Variants in SFMBT2 observed in about 807,000 individuals in gnomAD.
SFMBT2 encodes Scm like with four mbt domains 2.
A neutral mutation model predicts 110.1 loss-of-function variants in SFMBT2; 38 were observed. The ratio of observed to expected loss-of-function variants is 0.35; its 90% CI spans 0.27 to 0.45. SFMBT2 has a LOEUF of 0.45. Among genes scored for constraint, SFMBT2 ranks in the 20% least tolerant of loss-of-function variants. The probability of loss-of-function intolerance (pLI) is 1.00; values close to 1 mark genes in which losing one functional copy is unlikely to be tolerated. For missense variants in SFMBT2, 1,011 were observed against 1,094.9 expected (o/e 0.92, Z 1.08); for synonymous variants, 425 against 425.4 (o/e 1.00, Z 0.01).
intron 4 of SFMBT2, chr10:7,292,125 G>C (rs990603443): frequency 6.3e-6 from 1 of 159,932 alleles, no homozygotes; most frequent in African/African-American, 2.4e-5. Context: ...TGGGGTCTCT[G>C]GAGGAAAAAG....
At position 7,172,936 on chromosome 10, in the gene SFMBT2, CA is replaced by C. The variant is rs890836185; in HGVS notation, c.1985-276del. Among the ~76,000 whole-genome samples, 45 of 152,166 alleles carry C rather than the reference CA, an allele frequency of 3.0e-4. No individual in the cohort carries two copies. Among genetic ancestry groups the C allele is most frequent in the African/African-American group, 9.2e-4 (38 of 41,522 alleles). ...GTCCCGAACCCCCAAAGTGAGTGTACAAGGGTGGGGCCCTAATCCAATAGGA... is the reference window on the plus strand; with the variant it reads ...GTCCCGAACCCCCAAAGTGAGTGTACAGGGTGGGGCCCTAATCCAATAGGA... On this transcript the variant is annotated intron_variant, in intron 17 of 20. Transcript: ENST00000397167. The surrounding 1 kb of genome is among the most constrained non-coding windows in gnomAD (Gnocchi z 4.6).
chr10:7,411,440 C>T (rs113096509), upstream of SFMBT2: 75 of 152,368 alleles, frequency 4.9e-4, 1 homozygote, highest in African/African-American at 1.7e-3. Context: ...GGTTCGTGAG[C>T]TGGGTTTCCA....
At chr10:7,229,789 C>T (rs1339576724) in intron 9 of SFMBT2, among the ~76,000 whole-genome samples, 1 of 150,120 alleles carries the variant, frequency 6.7e-6, no homozygotes, top group Non-Finnish European at 1.5e-5. Context: ...GGCATGATCT[C>T]GGCTCACTGC....
chr10:7,271,439 T>C (rs571125446), intron 7 of SFMBT2, among the ~76,000 whole-genome samples: 15 of 152,280 alleles, frequency 9.9e-5, no homozygotes, highest in Non-Finnish European at 1.8e-4. Flanking sequence ...AGTCCTTGCC[T>C]TCCTGGAGCT....
At chr10:7,166,922 G>C (rs1249558262) in intron 20 of SFMBT2, among the ~76,000 whole-genome samples, 1 of 152,188 alleles carries the variant, frequency 6.6e-6, no homozygotes. Context: ...CTCACAGGTG[G>C]TTTGATTTTT....
At chr10:7,249,549 T>C (rs1840732715) in intron 7 of SFMBT2, 8 of 985,274 alleles carry the variant, frequency 8.1e-6, no homozygotes, top group Admixed American at 6.2e-5. Context: ...AATACATCAA[T>C]TGGGTGTGAA....
chr10:7,225,096 T>C (rs1839858890), intron 10 of SFMBT2, among the ~76,000 whole-genome samples: 1 of 152,220 alleles, frequency 6.6e-6, no homozygotes. Flanking sequence ...TATTATGTAT[T>C]GAGCTTCCTT....
At chr10:7,254,694 G>A (rs182544186) in intron 7 of SFMBT2, among the ~76,000 whole-genome samples, 37 of 152,200 alleles carry the variant, frequency 2.4e-4, no homozygotes, top group African/African-American at 8.4e-4. Flanking sequence ...TGGGCATGGT[G>A]GTGCACACCT....
intron 20 of SFMBT2, among the ~76,000 whole-genome samples, chr10:7,168,879 A>G (rs1482583954): frequency 6.6e-6 from 1 of 152,208 alleles, no homozygotes; most frequent in Non-Finnish European, 1.5e-5. Flanking sequence ...GTTGCTTTTC[A>G]GAGTTGTCCA....
intron 6 of SFMBT2, chr10:7,277,272 T>C (rs1841811719): frequency 6.4e-6 from 1 of 155,724 alleles, no homozygotes; most frequent in African/African-American, 2.4e-5. Context: ...AGTAATTTAA[T>C]GGTATTAATC....
chr10:7,190,978 A>G (rs1243232934), intron 15 of SFMBT2, among the ~76,000 whole-genome samples: 1 of 152,100 alleles, frequency 6.6e-6, no homozygotes, highest in African/African-American at 2.4e-5. Flanking sequence ...TTTTATAAGG[A>G]GTTCCCCTTT....
chr10:7,208,782 A>G (rs1170823852), intron 11 of SFMBT2, among the ~76,000 whole-genome samples: 1 of 152,222 alleles, frequency 6.6e-6, no homozygotes, highest in Non-Finnish European at 1.5e-5. Flanking sequence ...TTCAAACATC[A>G]CATCGTATTA....
At chr10:7,270,204 C>T (rs1054155369) in intron 7 of SFMBT2, among the ~76,000 whole-genome samples, 3 of 152,044 alleles carry the variant, frequency 2.0e-5, no homozygotes, top group African/African-American at 4.8e-5. Context: ...GGCAGGGAAC[C>T]GAGGGAGGTG....
intron 4 of SFMBT2, among the ~76,000 whole-genome samples, chr10:7,323,628 C>T (rs571501817): frequency 6.6e-6 from 1 of 152,092 alleles, no homozygotes; most frequent in South Asian, 2.1e-4. Flanking sequence ...TTTGATAAAG[C>T]CCCACAGGTG....
intron 7 of SFMBT2, among the ~76,000 whole-genome samples, chr10:7,261,243 C>T (rs1006877402): frequency 2.0e-5 from 3 of 152,230 alleles, no homozygotes; most frequent in Non-Finnish European, 4.4e-5. Context: ...TTTTGAGTTC[C>T]TATGATTCAT....
At chr10:7,411,065 C>CTTTTTTTTTTT (rs766788794), upstream of SFMBT2, among the ~76,000 whole-genome samples, 6 of 53,914 alleles carry the variant, frequency 1.1e-4, 1 homozygote, top group African/African-American at 4.5e-4. Flanking sequence ...GCTCGGCGCT[C>CTTTTTTTTTTT]TTTTTTTTTT....
intron 1 of SFMBT2, among the ~76,000 whole-genome samples, chr10:7,396,280 T>C (rs1337513334): frequency 2.6e-5 from 4 of 152,236 alleles, no homozygotes; most frequent in African/African-American, 2.4e-5. Flanking sequence ...CTGGTATCTC[T>C]GAGCACACAG....
intron 4 of SFMBT2, among the ~76,000 whole-genome samples, chr10:7,313,084 G>A (rs982571980): frequency 7.2e-5 from 11 of 152,070 alleles, no homozygotes; most frequent in Non-Finnish European, 1.0e-4. Context: ...CACCACCTCC[G>A]TGCAAGATGC....
chr10:7,193,771 G>A (rs954473677), intron 15 of SFMBT2, among the ~76,000 whole-genome samples: 1 of 152,226 alleles, frequency 6.6e-6, no homozygotes, highest in Non-Finnish European at 1.5e-5. Context: ...TCATGAGATG[G>A]TATGTAAGTT....
Sources: allele counts gnomAD v4.1 joint callset (sites outside exome capture counted in the v4.1 genomes callset), GRCh38; gene constraint gnomAD v4.1.1; non-coding constraint Gnocchi (gnomAD v3.1); transcripts MANE v1.5; gene names NCBI Gene and HGNC (gene_info 2026-07-23, HGNC 2026-07-21).